Variants in MTARC1 observed in about 807,000 individuals in gnomAD.
MTARC1 encodes mitochondrial amidoxime-reducing component 1.
A neutral mutation model predicts 33.6 loss-of-function variants in MTARC1; 24 were observed. The observed-to-expected ratio is 0.72, with a 90% CI of 0.52 to 1.01. The LOEUF is 1.01. Ranked by LOEUF, MTARC1 falls within the 50% of genes least tolerant of loss-of-function variation. The pLI is 0.00. For synonymous variants in MTARC1, 187 were observed against 189.5 expected (o/e 0.99, Z 0.11); for missense variants, 417 against 445.7 (o/e 0.94, Z 0.58).
intron 2 of MTARC1, among the ~76,000 whole-genome samples, chr1:220,795,931 G>A (rs925724074): frequency 6.6e-6 from 1 of 152,154 alleles, no homozygotes; most frequent in African/African-American, 2.4e-5. Flanking sequence ...AATGCCAGCA[G>A]TGGTAATGGT....
intron 2 of MTARC1, 123 bp from the exon 3 acceptor site, chr1:220,796,520 C>T (rs934763959): frequency 4.2e-6 from 5 of 1,200,298 alleles, no homozygotes; most frequent in Non-Finnish European, 4.5e-6. Context: ...ATTACATCTT[C>T]TGATAATTAA....
chr1:220,793,842 AGT>A (rs1186517021), intron 2 of MTARC1: 1 of 152,204 alleles, frequency 6.6e-6, no homozygotes, highest in African/African-American at 2.4e-5. Flanking sequence ...TTTTTGGGAC[AGT>A]GTGCAGGTGG....
chr1:220,816,017 G>A lies in MTARC1; in HGVS notation c.*2599G>A, dbSNP rs1421075285. The A allele has an allele frequency of 6.6e-6, 1 of 152,274 alleles. No homozygotes were observed. The highest frequency in any genetic ancestry group is 1.9e-4 in the East Asian group (1 of 5,200). 9.4% of individuals were successfully genotyped at this position (152,274 alleles called of 1,614,324 possible). On this transcript the variant is annotated 3_prime_UTR_variant, in exon 7 of 7. Coordinates refer to ENST00000366910, the MANE Select transcript of MTARC1 (RefSeq NM_022746.4). ...GACGAGGGCAGCAACTTATACACAC[G>A]AAGGCAGAAAGAAATTGGGGAAGGG...
intron 6 of MTARC1, chr1:220,808,753 G>A (rs1673043475): frequency 6.5e-6 from 3 of 461,470 alleles, no homozygotes; most frequent in Non-Finnish European, 1.3e-5. Flanking sequence ...AAATACAGAG[G>A]CATAGGGAAG....
At position 220,813,700 on chromosome 1, in the gene MTARC1, C is replaced by T; in HGVS notation, c.*282C>T. On this transcript the variant is annotated 3_prime_UTR_variant, in exon 7 of 7. Coordinates refer to ENST00000366910, the MANE Select transcript of MTARC1 (RefSeq NM_022746.4). ...CCGTTTAACTGATTATGGAATAGTT[C>T]TTTCTCCTGCTTCTCCGTTTATCTA... 1 of 340,324 alleles carries T rather than the reference C, an allele frequency of 2.9e-6. No homozygotes were observed. The highest frequency in any genetic ancestry group is 3.5e-5 in the South Asian group (1 of 28,220). The allele number at this position is 340,324 out of a possible 1,614,324, so 21.1% of individuals were successfully genotyped here.
At chr1:220,804,603 A>G (rs1672914533) in intron 4 of MTARC1, among the ~76,000 whole-genome samples, 1 of 152,104 alleles carries the variant, frequency 6.6e-6, no homozygotes. Flanking sequence ...AGACATGCAC[A>G]TACTCAGTGA....
In MTARC1 at chr1:220,805,099, G is replaced by A; in HGVS notation, c.801G>A (p.Val267=). ...TTGGTGACGTGGAACTGAAAAGGGT[G>A]ATGGCTTGTTCCAGGTAAGGTGCTT... ...LLIGDVELKR[V]MACSRCILTT... is the part of the protein sequence containing the mutation. The change falls in exon 5 of 7, where the codon GTG becomes GTA. Residue 267 remains valine, a synonymous_variant. Transcript: ENST00000366910. 2 of 1,614,172 alleles carry A rather than the reference G, an allele frequency of 1.2e-6. No homozygotes were observed. Among genetic ancestry groups the A allele is most frequent in the African/African-American group, 1.3e-5 (1 of 75,050 alleles).
At chr1:220,799,748 G>A (rs559264917) in intron 4 of MTARC1, among the ~76,000 whole-genome samples, 4 of 152,306 alleles carry the variant, frequency 2.6e-5, no homozygotes, top group African/African-American at 9.6e-5. Context: ...TAGGGCATAT[G>A]TATGGGGCTG....
At chr1:220,805,654 A>G (rs1156682805) in intron 6 of MTARC1, among the ~76,000 whole-genome samples, 1 of 152,210 alleles carries the variant, frequency 6.6e-6, no homozygotes, top group East Asian at 1.9e-4. Flanking sequence ...TGATTGAAAT[A>G]TGTGTGTAGG....
At chr1:220,801,988 C>T (rs971302392) in intron 4 of MTARC1, among the ~76,000 whole-genome samples, 4 of 152,184 alleles carry the variant, frequency 2.6e-5, no homozygotes, top group African/African-American at 9.7e-5. Flanking sequence ...CTGCCACAGT[C>T]AGTGACCGTT....
chr1:220,788,714 G>A (rs1170119539), intron 1 of MTARC1, among the ~76,000 whole-genome samples: 1 of 151,882 alleles, frequency 6.6e-6, no homozygotes, highest in African/African-American at 2.4e-5. Flanking sequence ...GCGTGAACCC[G>A]GGAGGCGGAG....
Position 220,791,593 on chromosome 1 carries a change from C to T in MTARC1, c.378C>T (p.Leu126=). The change falls in exon 2 of 7, where the codon CTC becomes CTT. Residue 126 remains leucine (L), a synonymous_variant. Transcript: ENST00000366910. ...SLTCDGDTLT[L]SAAYTKDLLL... ...CCTGCGATGGTGACACCCTGACTCT[C>T]AGTGCAGCCTACACAAAGGACCTAC... is the stretch of plus-strand genomic sequence containing the variant. 3 of 1,614,172 alleles carry T rather than the reference C, an allele frequency of 1.9e-6. No individual in the cohort carries two copies. The highest frequency in any genetic ancestry group is 2.2e-5 in the South Asian group (2 of 91,074).
chr1:220,793,516 C>T (rs1672502476), intron 2 of MTARC1: 1 of 152,182 alleles, frequency 6.6e-6, no homozygotes, highest in African/African-American at 2.4e-5. Flanking sequence ...TTTCTTTTGA[C>T]AGCCCAACCT....
Position 220,816,613 on chromosome 1 carries a change from C to G in MTARC1, c.*3195C>G, listed in dbSNP as rs1166269445. On this transcript the variant is annotated 3_prime_UTR_variant, in exon 7 of 7. Coordinates refer to ENST00000366910, the MANE Select transcript of MTARC1 (RefSeq NM_022746.4). ...GCCCTTCCCAAAGGTCTGTTTTTGA[C>G]TGTCTTTTGAGAAATGATCCTCTGA... The G allele has an allele frequency of 6.6e-6, 1 of 152,266 alleles. No individual in the cohort carries two copies. The highest frequency in any genetic ancestry group is 1.5e-5 in the Non-Finnish European group (1 of 68,058). 9.4% of individuals were successfully genotyped at this position (152,266 alleles called of 1,614,324 possible).
chr1:220,798,322 T>C, intron 4 of MTARC1: 2 of 1,251,398 alleles, frequency 1.6e-6, no homozygotes, highest in South Asian at 2.9e-5. Context: ...ATGATCTGTG[T>C]GGGCCATGGA....
chr1:220,803,344 A>C (rs1672873610), intron 4 of MTARC1, among the ~76,000 whole-genome samples: 2 of 152,168 alleles, frequency 1.3e-5, no homozygotes, highest in Admixed American at 1.3e-4. Flanking sequence ...CCCATGACAC[A>C]TGGGGATTAT....
At position 220,797,916 on chromosome 1, in the gene MTARC1, G is replaced by A; in HGVS notation, c.655G>A (p.Ala219Thr). Residue 219 changes from alanine (A) to threonine (T), a missense_variant, in exon 4 of 7, where the codon GCG (alanine) becomes ACG (threonine). Transcript: ENST00000366910. The stretch of plus-strand genomic sequence containing the variant: ...CAGCCCATTCTTGATCCTTTCTGAG[G>A]CGTCGCTGGCGGATCTCAACTCCAG... Reference protein sequence around the residue: ...DTSPFLILSEASLADLNSRLE... With the variant: ...DTSPFLILSETSLADLNSRLE... 1 of 1,614,178 alleles carries A rather than the reference G, an allele frequency of 6.2e-7. No individual in the cohort carries two copies. Among genetic ancestry groups the A allele is most frequent in the Non-Finnish European group, 8.5e-7 (1 of 1,180,036 alleles).
intron 4 of MTARC1, among the ~76,000 whole-genome samples, chr1:220,803,188 C>T (rs569111791): frequency 7.2e-5 from 11 of 152,216 alleles, no homozygotes; most frequent in South Asian, 4.2e-4. Flanking sequence ...AGCAAAGGCA[C>T]GTCTTACATG....
rs1481677374 is a variant in MTARC1 at position 220,815,030 on chromosome 1, A to G, written c.*1612A>G. On this transcript the variant is annotated 3_prime_UTR_variant, in exon 7 of 7. Transcript: ENST00000366910. ...CATGTGCTTGTTTTATGGTTGGTGA[A>G]TTATTACAGTTTGTTTTCTGCATGC... 6.6e-6 allele frequency: 1 copy of G among 152,244 alleles called. No individual in the cohort carries two copies. The highest frequency in any genetic ancestry group is 2.4e-5 in the African/African-American group (1 of 41,472). 9.4% of individuals were successfully genotyped at this position (152,244 alleles called of 1,614,324 possible).
Sources: allele counts gnomAD v4.1 joint callset (sites outside exome capture counted in the v4.1 genomes callset), GRCh38; gene constraint gnomAD v4.1.1; transcripts MANE v1.5; gene names NCBI Gene and HGNC (gene_info 2026-07-23, HGNC 2026-07-21).